Variants in DCUN1D3 observed in about 807,000 individuals in gnomAD.
The protein encoded by DCUN1D3 is DCN1-like protein 3.
Under a neutral mutation model 24.8 loss-of-function variants are expected in DCUN1D3, and 6 were observed. The observed-to-expected ratio is 0.24, with a 90% CI of 0.13 to 0.48. The LOEUF (loss-of-function observed/expected upper bound fraction) is 0.48. Ranked by LOEUF, DCUN1D3 falls within the 20% of genes least tolerant of loss-of-function variation. The probability of loss-of-function intolerance (pLI) is 0.99; values close to 1 mark genes in which losing one functional copy is unlikely to be tolerated. For synonymous variants in DCUN1D3, 120 were observed against 144.9 expected (o/e 0.83, Z 1.24); for missense variants, 258 against 379.4 (o/e 0.68, Z 2.66).
chr16:20,892,567 G>T (rs965214510), intron 1 of DCUN1D3, among the ~76,000 whole-genome samples: 1 of 152,202 alleles, frequency 6.6e-6, no homozygotes, highest in Non-Finnish European at 1.5e-5. Context: ...GCATGTCCAT[G>T]GTGGTTATTT....
chr16:20,875,723 GA>G (rs1408299645), intron 1 of DCUN1D3, among the ~76,000 whole-genome samples: 1 of 152,150 alleles, frequency 6.6e-6, no homozygotes, highest in Admixed American at 6.5e-5. Flanking sequence ...TCTGGGCAAA[GA>G]TTTTTTGTGT....
At chr16:20,899,717 C>G in intron 1 of DCUN1D3, among the ~76,000 whole-genome samples, 1 of 152,318 alleles carries the variant, frequency 6.6e-6, no homozygotes, top group Non-Finnish European at 1.5e-5. Flanking sequence ...CTCATTACCT[C>G]GGACACAGAT....
intron 1 of DCUN1D3, among the ~76,000 whole-genome samples, chr16:20,875,448 G>A (rs1978091): frequency 0.62 from 94,510 of 152,000 alleles, 30,496 homozygotes; most frequent in Non-Finnish European, 0.72. Flanking sequence ...TGCATTGGAT[G>A]CAAAATGACT....
At chr16:20,863,588 A>G (rs1305225835) in intron 1 of DCUN1D3, among the ~76,000 whole-genome samples, 2 of 152,144 alleles carry the variant, frequency 1.3e-5, no homozygotes, top group Non-Finnish European at 2.9e-5. Flanking sequence ...TACGAAAAAT[A>G]GAAAAAAATT....
At chr16:20,865,659 T>G (rs944214095) in intron 1 of DCUN1D3, among the ~76,000 whole-genome samples, 1 of 152,176 alleles carries the variant, frequency 6.6e-6, no homozygotes, top group Non-Finnish European at 1.5e-5. Context: ...TCTAGGGAGC[T>G]TTCATGGACC....
At chr16:20,888,819 G>A (rs1209139443) in intron 1 of DCUN1D3, among the ~76,000 whole-genome samples, 1 of 152,194 alleles carries the variant, frequency 6.6e-6, no homozygotes, top group African/African-American at 2.4e-5. Context: ...AGGTGCCGTG[G>A]CTCACACCTG....
chr16:20,890,469 AT>A (rs1032466569), intron 1 of DCUN1D3, among the ~76,000 whole-genome samples: 11 of 151,994 alleles, frequency 7.2e-5, no homozygotes, highest in South Asian at 4.2e-4. Flanking sequence ...CAAAAAAAAA[AT>A]TTTTTTTAAC....
chr16:20,874,077 T>A (rs1452826077), intron 1 of DCUN1D3, among the ~76,000 whole-genome samples: 1 of 152,192 alleles, frequency 6.6e-6, no homozygotes, highest in Non-Finnish European at 1.5e-5. Flanking sequence ...GATATCAGGT[T>A]TTCTATCACA....
intron 1 of DCUN1D3, among the ~76,000 whole-genome samples, chr16:20,897,871 G>T (rs1309021961): frequency 6.6e-6 from 1 of 152,142 alleles, no homozygotes; most frequent in Non-Finnish European, 1.5e-5. Flanking sequence ...TAGTCCAACA[G>T]TACCTGCAAA....
At chr16:20,888,522 G>A (rs751552236) in intron 1 of DCUN1D3, among the ~76,000 whole-genome samples, 66 of 152,172 alleles carry the variant, frequency 4.3e-4, no homozygotes, top group South Asian at 2.1e-4. Flanking sequence ...GCAGTGACAC[G>A]ATCACAGCTC....
intron 1 of DCUN1D3, among the ~76,000 whole-genome samples, chr16:20,876,842 C>T (rs895708507): frequency 6.6e-6 from 1 of 152,126 alleles, no homozygotes; most frequent in African/African-American, 2.4e-5. Context: ...TGAAATAAAC[C>T]AAGCACAGAA....
At chr16:20,891,244 G>A (rs905389712) in intron 1 of DCUN1D3, among the ~76,000 whole-genome samples, 1 of 151,918 alleles carries the variant, frequency 6.6e-6, no homozygotes, top group African/African-American at 2.4e-5. Flanking sequence ...CACCCACCTC[G>A]GCCTCCCAAA....
chr16:20,862,445 T>G lies in DCUN1D3; in HGVS notation c.94A>C (p.Arg32=), dbSNP rs7187522. 1,107,645 of 1,613,072 alleles carry G rather than the reference T, an allele frequency of 0.69. 387,312 individuals carry two copies. Among genetic ancestry groups the G allele is most frequent in the Non-Finnish European group, 0.72 (853,266 of 1,179,962 alleles). Residue 32 remains arginine, a synonymous_variant, in exon 2 of 3, where the codon AGG becomes CGG. Coordinates refer to ENST00000324344, the MANE Select transcript of DCUN1D3 (RefSeq NM_173475.4). ...TGCTCCTCACGGTGGCCTGCACCCC[T>G]CCTGCTATGTGACTTGTTGCTGGGC... ...REPSNKSHSR[R]GAGHREEQVP... is the part of the protein sequence containing the mutation.
chr16:20,860,842 G>A lies in DCUN1D3; in HGVS notation c.432-473C>T, dbSNP rs1325120329. ...TTCTGGAGCCAAGGATTCTGAACCT[G>A]AGTAATTCTACCACCAGAGATCAAA... is the stretch of plus-strand genomic sequence containing the variant. On this transcript the variant is annotated intron_variant, in intron 2 of 2. Coordinates refer to ENST00000324344, the MANE Select transcript of DCUN1D3 (RefSeq NM_173475.4). This position sits in a 1 kb window ranked among gnomAD's most constrained non-coding sequence, Gnocchi z 4.3. Among the ~76,000 whole-genome samples the A allele has an allele frequency of 6.6e-6, 1 of 152,148 alleles. No homozygotes were observed. Among genetic ancestry groups the A allele is most frequent in the Admixed American group, 6.5e-5 (1 of 15,282 alleles).
rs1223910385 is a variant in DCUN1D3, at chr16:20,862,650, G to A, written c.-105-7C>T. The A allele has an allele frequency of 5.3e-6, 8 of 1,514,708 alleles. No homozygotes were observed. Among genetic ancestry groups the A allele is most frequent in the Non-Finnish European group, 6.1e-6 (7 of 1,142,598 alleles). The allele number at this position is 1,514,708 out of a possible 1,614,324, so 93.8% of individuals were successfully genotyped here. ...GCCAGAGGAGCCAGCCAACCTGGAA[G>A]GAAATTAGAAAGCCATCACCTCTGG... On this transcript the variant is annotated splice_polypyrimidine_tract_variant and splice_region_variant and intron_variant, in intron 1 of 2. Transcript: ENST00000324344.
At chr16:20,875,442 T>C (rs532744696) in intron 1 of DCUN1D3, among the ~76,000 whole-genome samples, 5 of 152,194 alleles carry the variant, frequency 3.3e-5, no homozygotes, top group African/African-American at 9.7e-5. Flanking sequence ...AGTACATGCA[T>C]TGGATGCAAA....
At chr16:20,892,460 T>C (rs1034085092) in intron 1 of DCUN1D3, among the ~76,000 whole-genome samples, 2 of 152,208 alleles carry the variant, frequency 1.3e-5, no homozygotes, top group African/African-American at 4.8e-5. Flanking sequence ...CCCTCCTGTT[T>C]AAAGAGCACT....
At position 20,858,860 on chromosome 16, in the gene DCUN1D3, T is replaced by A; in HGVS notation, c.*1026A>T. 7.4e-6 allele frequency: 1 copy of A among 134,944 alleles called. No homozygotes were observed. 8.4% of individuals were successfully genotyped at this position (134,944 alleles called of 1,614,324 possible). ...AATAAAAATATTAAAAAAAAAAAAA[T>A]TCAAGCAGAGCTCCATACCACAGTT... On this transcript the variant is annotated 3_prime_UTR_variant, in exon 3 of 3. Coordinates refer to ENST00000324344, the MANE Select transcript of DCUN1D3 (RefSeq NM_173475.4).
chr16:20,875,639 G>A (rs2081811073), intron 1 of DCUN1D3, among the ~76,000 whole-genome samples: 1 of 152,182 alleles, frequency 6.6e-6, no homozygotes, highest in African/African-American at 2.4e-5. Context: ...AAAGTGGATT[G>A]AAGATTTAAA....
Sources: allele counts gnomAD v4.1 joint callset (sites outside exome capture counted in the v4.1 genomes callset), GRCh38; gene constraint gnomAD v4.1.1; non-coding constraint Gnocchi (gnomAD v3.1); transcripts MANE v1.5; gene names NCBI Gene and HGNC (gene_info 2026-07-23, HGNC 2026-07-21).